Variants in SDCCAG8 observed in about 807,000 individuals in gnomAD.
SDCCAG8 encodes serologically defined colon cancer antigen 8.
In SDCCAG8, 74 loss-of-function variants were observed where a neutral mutation model predicts 101.8. That is an observed-to-expected ratio of 0.73 (90% CI 0.60 to 0.88). The LOEUF is 0.88. SDCCAG8 is among the 40% of genes least tolerant of loss of function. SDCCAG8 has a pLI of 0.00. For synonymous variants in SDCCAG8, 281 were observed against 292.9 expected (o/e 0.96, Z 0.41); for missense variants, 787 against 822.6 (o/e 0.96, Z 0.53).
At chr1:243,461,416 C>T (rs1017862705) in intron 16 of SDCCAG8, among the ~76,000 whole-genome samples, 2 of 152,154 alleles carry the variant, frequency 1.3e-5, no homozygotes, top group Non-Finnish European at 2.9e-5. Flanking sequence ...CCCATGAATT[C>T]TGTTTGGGGA....
chr1:243,365,195 G>T (rs759476514), intron 12 of SDCCAG8, among the ~76,000 whole-genome samples: 12 of 152,142 alleles, frequency 7.9e-5, no homozygotes, highest in Admixed American at 1.3e-4. Context: ...GTTCCCACCT[G>T]TAAAGTGAGG....
intron 9 of SDCCAG8, among the ~76,000 whole-genome samples, chr1:243,321,839 G>A (rs2073783991): frequency 6.6e-6 from 1 of 152,176 alleles, no homozygotes; most frequent in Admixed American, 6.5e-5. Context: ...AGTAAAGACA[G>A]CGTTTTGCCA....
At chr1:243,454,838 C>T (rs1490611197) in intron 16 of SDCCAG8, among the ~76,000 whole-genome samples, 1 of 152,120 alleles carries the variant, frequency 6.6e-6, no homozygotes, top group Admixed American at 6.6e-5. Context: ...ATGCACCCTC[C>T]ACTGTGGTCG....
chr1:243,309,608 G>A (rs1173120772), intron 8 of SDCCAG8, among the ~76,000 whole-genome samples: 3 of 152,104 alleles, frequency 2.0e-5, no homozygotes, highest in East Asian at 1.9e-4. Flanking sequence ...GTGCTCAAGC[G>A]ATCCTCCTGC....
chr1:243,393,764 T>A (rs1036779374), intron 13 of SDCCAG8, among the ~76,000 whole-genome samples: 28 of 152,058 alleles, frequency 1.8e-4, no homozygotes, highest in African/African-American at 6.5e-4. Context: ...TTAGAAAAGA[T>A]TTTTTTTATA....
At chr1:243,296,512 C>T (rs1472036534) in intron 6 of SDCCAG8, among the ~76,000 whole-genome samples, 4 of 142,690 alleles carry the variant, frequency 2.8e-5, no homozygotes, top group Non-Finnish European at 6.1e-5. Flanking sequence ...AGCTTCGTCC[C>T]CCTGTAGTCC....
At chr1:243,273,521 C>T (rs189517886) in intron 3 of SDCCAG8, among the ~76,000 whole-genome samples, 16 of 152,284 alleles carry the variant, frequency 1.1e-4, no homozygotes, top group Admixed American at 9.1e-4. Context: ...TGCAGTGTGT[C>T]TCTACTTTAG....
intron 15 of SDCCAG8, among the ~76,000 whole-genome samples, chr1:243,419,228 C>T (rs961444039): frequency 6.6e-6 from 1 of 151,888 alleles, no homozygotes; most frequent in Non-Finnish European, 1.5e-5. Flanking sequence ...CTAGCGTATA[C>T]TAAGATTGTA....
chr1:243,399,501 A>ATTATTTAT (rs746212694), intron 13 of SDCCAG8, among the ~76,000 whole-genome samples: 63 of 151,970 alleles, frequency 4.1e-4, no homozygotes, highest in African/African-American at 1.5e-3. Context: ...TTTTTTAATT[A>ATTATTTAT]TTATTTATTT....
chr1:243,377,591 T>G (rs1336159093), intron 12 of SDCCAG8, among the ~76,000 whole-genome samples: 2 of 152,000 alleles, frequency 1.3e-5, no homozygotes, highest in African/African-American at 4.8e-5. Context: ...TATACTGTTA[T>G]GAATTCAAGA....
At chr1:243,341,234 T>C (rs990729136) in intron 11 of SDCCAG8, 61 bp downstream of exon 11, 1 of 1,580,952 alleles carries the variant, frequency 6.3e-7, no homozygotes, top group South Asian at 1.1e-5. Context: ...GAAAAATGTT[T>C]TCCTAATGTA....
chr1:243,312,739 A>G (rs1429449544), intron 8 of SDCCAG8, among the ~76,000 whole-genome samples: 1 of 151,216 alleles, frequency 6.6e-6, no homozygotes, highest in Non-Finnish European at 1.5e-5. Flanking sequence ...TGGCTTGTAC[A>G]GTTGACAAGG....
intron 6 of SDCCAG8, among the ~76,000 whole-genome samples, chr1:243,296,612 C>G (rs1007995134): frequency 3.0e-4 from 40 of 133,488 alleles, no homozygotes; most frequent in Admixed American, 4.4e-4. Context: ...GCGCGATCTC[C>G]GCTCACTGCA....
chr1:243,307,416 G>T, intron 7 of SDCCAG8: 1 of 983,112 alleles, frequency 1.0e-6, no homozygotes, highest in Non-Finnish European at 1.2e-6. Context: ...GATCTTTGTA[G>T]AAGTTTGTCG....
In SDCCAG8 at chr1:243,260,836, T is replaced by C. The variant is rs143553482; in HGVS notation, c.67+4596T>C. On this transcript the variant is annotated intron_variant, in intron 1 of 17. Coordinates refer to ENST00000366541, the MANE Select transcript of SDCCAG8 (RefSeq NM_006642.5). The stretch of plus-strand genomic sequence containing the variant: ...GTCAACATTTTGGTGTTTCAGCCTT[T>C]AGATGAATTTATGGGAAGAGTGTGG... Among the ~76,000 whole-genome samples the C allele has an allele frequency of 4.0e-3, 611 of 152,318 alleles. 4 individuals are homozygous for C. Among genetic ancestry groups the C allele is most frequent in the African/African-American group, 0.014 (590 of 41,572 alleles).
chr1:243,448,954 G>A (rs2083143925), intron 16 of SDCCAG8, among the ~76,000 whole-genome samples: 1 of 152,162 alleles, frequency 6.6e-6, no homozygotes, highest in Non-Finnish European at 1.5e-5. Context: ...ATGTGTATGT[G>A]CAACATTTAA....
intron 8 of SDCCAG8, among the ~76,000 whole-genome samples, chr1:243,311,916 C>T (rs1490120813): frequency 6.6e-6 from 1 of 152,142 alleles, no homozygotes; most frequent in Non-Finnish European, 1.5e-5. Flanking sequence ...GATTCTTGAT[C>T]AGTTATGTAT....
At chr1:243,369,729 G>C (rs1199214114) in intron 12 of SDCCAG8, among the ~76,000 whole-genome samples, 2 of 152,046 alleles carry the variant, frequency 1.3e-5, no homozygotes, top group Non-Finnish European at 2.9e-5. Context: ...CATTGTGATT[G>C]ATGGCTGTCT....
At chr1:243,413,085 G>A (rs1034219886) in intron 13 of SDCCAG8, among the ~76,000 whole-genome samples, 18 of 152,172 alleles carry the variant, frequency 1.2e-4, no homozygotes, top group African/African-American at 2.7e-4. Flanking sequence ...GGAAGGATTC[G>A]AGAAACATCA....
Sources: gnomAD v4.1 joint callset for allele counts (sites outside exome capture counted in the v4.1 genomes callset) on GRCh38, gnomAD v4.1.1 for gene constraint, MANE v1.5 for transcripts, NCBI Gene and HGNC (gene_info 2026-07-23, HGNC 2026-07-21) for gene names.